FOXM1: variants seen among roughly 807,000 people sequenced by gnomAD.
FOXM1 encodes the protein forkhead box protein M1.
FOXM1 carries 25 observed loss-of-function variants against 63.6 expected under a neutral mutation model. The observed-to-expected ratio is 0.39, with a 90% CI of 0.29 to 0.55. FOXM1 has a LOEUF of 0.55. Ranked by LOEUF, FOXM1 falls within the 20% of genes least tolerant of loss-of-function variation. The probability of loss-of-function intolerance (pLI) is 0.60; values close to 1 mark genes in which losing one functional copy is unlikely to be tolerated. For synonymous variants in FOXM1, 387 were observed against 376.9 expected (o/e 1.03, Z -0.31); for missense variants, 879 against 958.7 (o/e 0.92, Z 1.10).
At chr12:2,859,686 G>T in intron 8 of FOXM1, 23 bp from the exon 9 acceptor site, 1 of 1,571,122 alleles carries the variant, frequency 6.4e-7, no homozygotes, top group South Asian at 1.1e-5. Flanking sequence ...CAGAGATAAG[G>T]TGAACCAACG....
At chr12:2,865,427 G>T in intron 5 of FOXM1, 28 bp from the exon 6 acceptor site, 1 of 1,598,138 alleles carries the variant, frequency 6.3e-7, no homozygotes, top group South Asian at 1.1e-5. Context: ...TTGTGGGAGA[G>T]AAATGAGATG....
rs774939737 is a variant in FOXM1 at position 2,868,549 on chromosome 12, G to A, written c.846+14C>T. On this transcript the variant is annotated intron_variant, in intron 4 of 8. Transcript: ENST00000359843. Reference sequence around the variant, plus strand: ...TGGGCTGACCTTGATTTTGGTTGCTGTGGGACACATTACCTTCCAGCCTGG... The same window carrying A: ...TGGGCTGACCTTGATTTTGGTTGCTATGGGACACATTACCTTCCAGCCTGG... 1.3e-6 allele frequency: 2 copies of A among 1,597,570 alleles called. No homozygotes were observed. The highest frequency in any genetic ancestry group is 1.7e-6 in the Non-Finnish European group (2 of 1,170,564).
At chr12:2,865,451 C>CGTTG in intron 5 of FOXM1, 52 bp from the exon 6 acceptor site, 2 of 1,480,820 alleles carry the variant, frequency 1.4e-6, no homozygotes, top group Non-Finnish European at 1.9e-6. Flanking sequence ...TTACCACCAA[C>CGTTG]GTGGTCAATT....
intron 3 of FOXM1, among the ~76,000 whole-genome samples, chr12:2,870,268 G>A (rs886348646): frequency 2.6e-5 from 4 of 152,154 alleles, no homozygotes; most frequent in Non-Finnish European, 5.9e-5. Flanking sequence ...GAGTTATCGC[G>A]CCTGGCCAAA....
At chr12:2,869,632 T>A (rs139725114) in intron 3 of FOXM1, among the ~76,000 whole-genome samples, 1,798 of 152,168 alleles carry the variant, frequency 0.012, 36 homozygotes, top group African/African-American at 0.041. Context: ...GAGATGGGGT[T>A]TACCATATTG....
chr12:2,862,477 G>A (rs915969503), intron 8 of FOXM1, among the ~76,000 whole-genome samples: 5 of 151,994 alleles, frequency 3.3e-5, no homozygotes, highest in East Asian at 1.9e-4. Flanking sequence ...ATGAATTTAC[G>A]CTAAATTATG....
At position 2,864,275 on chromosome 12, in the gene FOXM1, C is replaced by T. The variant is rs746841749; in HGVS notation, c.1266+45G>A. 1 of 1,540,530 alleles carries T rather than the reference C, an allele frequency of 6.5e-7. No individual in the cohort carries two copies. Among genetic ancestry groups the T allele is most frequent in the Non-Finnish European group, 8.8e-7 (1 of 1,130,472 alleles). On this transcript the variant is annotated intron_variant, in intron 8 of 8. Coordinates refer to ENST00000359843, the MANE Select transcript of FOXM1 (RefSeq NM_021953.4). This position sits in a 1 kb window ranked among gnomAD's most constrained non-coding sequence, Gnocchi z 5.1. ...CTTTGCAAGCTGAAGGTCCAACATTCTTAATTGGCCAGAATCTCTCTTCAG... is the reference window on the plus strand; with the variant it reads ...CTTTGCAAGCTGAAGGTCCAACATTTTTAATTGGCCAGAATCTCTCTTCAG...
intron 4 of FOXM1, among the ~76,000 whole-genome samples, chr12:2,867,362 G>C (rs1449984082): frequency 6.6e-6 from 1 of 152,016 alleles, no homozygotes; most frequent in East Asian, 1.9e-4. Flanking sequence ...AGCTACTTGG[G>C]ATGTTGAGGA....
At chr12:2,865,783 G>A (rs2098122196) in intron 5 of FOXM1, among the ~76,000 whole-genome samples, 1 of 151,192 alleles carries the variant, frequency 6.6e-6, no homozygotes, top group Admixed American at 6.6e-5. Context: ...CTCCCAAGTA[G>A]CTGGGATTAC....
intron 4 of FOXM1, 57 bp downstream of exon 4, chr12:2,868,506 C>T (rs1228090757): frequency 7.3e-7 from 1 of 1,373,650 alleles, no homozygotes; most frequent in African/African-American, 1.4e-5. Flanking sequence ...CAGTACAGCA[C>T]TGGAGAGACT....
At chr12:2,859,915 T>C (rs2098106834) in intron 8 of FOXM1, 12 of 427,372 alleles carry the variant, frequency 2.8e-5, no homozygotes, top group East Asian at 4.1e-5. Context: ...TTACACTGTA[T>C]ACAAAGATTT....
At chr12:2,876,052 C>T (rs2098142882) in intron 1 of FOXM1, among the ~76,000 whole-genome samples, 2 of 152,034 alleles carry the variant, frequency 1.3e-5, no homozygotes, top group Admixed American at 1.3e-4. Context: ...TGAGCCACTG[C>T]GCCCGGCCTT....
intron 3 of FOXM1, among the ~76,000 whole-genome samples, 176 bp from the exon 4 acceptor site, chr12:2,868,930 G>A (rs2098128267): frequency 6.6e-6 from 1 of 152,194 alleles, no homozygotes; most frequent in East Asian, 1.9e-4. Context: ...TCTTGGAGAT[G>A]ATCTAGCCTA....
intron 3 of FOXM1, among the ~76,000 whole-genome samples, chr12:2,871,362 T>G (rs561526590): frequency 6.6e-6 from 1 of 152,188 alleles, no homozygotes; most frequent in African/African-American, 2.4e-5. Context: ...AAAATTCGTA[T>G]CTAGGCCAGG....
chr12:2,868,896 A>G (rs2098128239), intron 3 of FOXM1, 142 bp from the exon 4 acceptor site: 6 of 565,544 alleles, frequency 1.1e-5, no homozygotes, highest in Non-Finnish European at 1.8e-5. Context: ...ATCTCATAGA[A>G]TAAAATTTTA....
Position 2,858,881 on chromosome 12 carries a change from G to C in FOXM1, c.2049C>G (p.Asp683Glu). The C allele has an allele frequency of 3.1e-6, 5 of 1,614,100 alleles. No homozygotes were observed. Among genetic ancestry groups the C allele is most frequent in the Non-Finnish European group, 4.2e-6 (5 of 1,180,016 alleles). Reference sequence around the variant, plus strand: ...AGTTGCCAAAGGGGACGGAGATGAGGTCTAAGGGTTCTGAACTGAGGAGCC... The same window carrying C: ...AGTTGCCAAAGGGGACGGAGATGAGCTCTAAGGGTTCTGAACTGAGGAGCC... ...PQRLLSSEPLDLISVPFGNSS... is the reference protein window; with the variant it reads ...PQRLLSSEPLELISVPFGNSS... Residue 683 changes from aspartate to glutamate, a missense_variant, in exon 9 of 9, where the codon GAC (aspartate) becomes GAG (glutamate). This residue lies in a region of FOXM1 where 486 missense variants were observed against 453.5 expected (regional missense o/e 1.07). Transcript: ENST00000359843.
In FOXM1 at chr12:2,864,015, CT is replaced by C; in HGVS notation, c.1266+304del. The C allele has an allele frequency of 3.8e-6, 1 of 265,482 alleles. No individual in the cohort carries two copies. Among genetic ancestry groups the C allele is most frequent in the Non-Finnish European group, 7.3e-6 (1 of 137,134 alleles). The allele number at this position is 265,482 out of a possible 1,614,324, so 16.4% of individuals were successfully genotyped here. On this transcript the variant is annotated intron_variant, in intron 8 of 8. Coordinates refer to ENST00000359843, the MANE Select transcript of FOXM1 (RefSeq NM_021953.4). This position sits in a 1 kb window ranked among gnomAD's most constrained non-coding sequence, Gnocchi z 5.1. ...CCACAGCGCCCGGCCAAATCCATCT[CT>C]TTCTAAGGCCTGCCTCCCTTGTGTA...
intron 8 of FOXM1, among the ~76,000 whole-genome samples, chr12:2,861,144 G>C (rs537993188): frequency 1.3e-5 from 2 of 150,844 alleles, no homozygotes; most frequent in African/African-American, 4.9e-5. Context: ...CTCCAGCCTG[G>C]GTGACAGAGC....
At chr12:2,869,209 TCAGA>T (rs1243649430) in intron 3 of FOXM1, among the ~76,000 whole-genome samples, 1 of 152,140 alleles carries the variant, frequency 6.6e-6, no homozygotes, top group Admixed American at 6.6e-5. Context: ...AGACTATGAG[TCAGA>T]CAATGTCTGC....
Sources: gnomAD v4.1 joint callset for allele counts (sites outside exome capture counted in the v4.1 genomes callset) on GRCh38, gnomAD v4.1.1 for gene constraint, gnomAD v4.1.1 regional missense constraint, Gnocchi (gnomAD v3.1) non-coding constraint, MANE v1.5 for transcripts, NCBI Gene and HGNC (gene_info 2026-07-23, HGNC 2026-07-21) for gene names.